Variants in RNF167 observed in about 807,000 individuals in gnomAD.
The protein encoded by RNF167 is E3 ubiquitin-protein ligase RNF167.
Under a neutral mutation model 34.8 loss-of-function variants are expected in RNF167, and 19 were observed. The observed-to-expected ratio is 0.55, with a 90% confidence interval of 0.38 to 0.80. The LOEUF is 0.80. Among genes scored for constraint, RNF167 ranks in the 30% least tolerant of loss-of-function variants. The pLI, the probability that RNF167 is intolerant of heterozygous loss-of-function variation, is 0.00. For synonymous variants in RNF167, 200 were observed against 170.4 expected (o/e 1.17, Z -1.35); for missense variants, 464 against 447.0 (o/e 1.04, Z -0.34).
intron 7 of RNF167, 38 bp from the exon 8 acceptor site, chr17:4,943,388 G>A (rs777143621): frequency 6.9e-6 from 11 of 1,594,730 alleles, no homozygotes; most frequent in Non-Finnish European, 9.4e-6. Context: ...GTCTAGTTTT[G>A]TTCCTAAGCC....
rs1971289140 is a variant in RNF167, at chr17:4,945,123, C to T, written c.*107C>T. ...TTCCATCCCAAGCTTCTCCCTTACC[C>T]ACACCTATCCTTTTGAGGGGCTTTG... is the stretch of plus-strand genomic sequence containing the variant. On this transcript the variant is annotated 3_prime_UTR_variant, in exon 10 of 10. Coordinates refer to ENST00000262482, the MANE Select transcript of RNF167 (RefSeq NM_015528.3). 4.7e-6 allele frequency: 5 copies of T among 1,059,732 alleles called. No homozygotes were observed. The highest frequency in any genetic ancestry group is 2.7e-5 in the Admixed American group (1 of 36,982). The allele number at this position is 1,059,732 out of a possible 1,614,324, so 65.6% of individuals were successfully genotyped here.
chr17:4,944,447 T>C lies in RNF167; in HGVS notation c.671-111T>C, dbSNP rs569113889. On this transcript the variant is annotated intron_variant, in intron 8 of 9. Transcript: ENST00000262482. ...GACCTTATCCTGCCTACCTGTCTTA[T>C]CTCTTCCACTGGCTTTGTAGGTGAG... 90 of 1,491,012 alleles carry C rather than the reference T, an allele frequency of 6.0e-5. No homozygotes were observed. The East Asian group carries it at 2.0e-3, about 34-fold the overall frequency. 92.4% of individuals were successfully genotyped at this position (1,491,012 alleles called of 1,614,324 possible). A position where few individuals can be genotyped will look rare whatever the true frequency, so the allele number is the denominator to read the frequency against.
At position 4,941,175 on chromosome 17, in the gene RNF167, C is replaced by G; in HGVS notation, c.165+18C>G. ...GCCTCCAGGTGATTTTCTTTCTTTT[C>G]TTTTCCTCCTTCCCTCCCTTCCTTC... On this transcript the variant is annotated intron_variant, in intron 3 of 9. Coordinates refer to ENST00000262482, the MANE Select transcript of RNF167 (RefSeq NM_015528.3). 1 of 1,598,476 alleles carries G rather than the reference C, an allele frequency of 6.3e-7. No individual in the cohort carries two copies. The highest frequency in any genetic ancestry group is 8.6e-7 in the Non-Finnish European group (1 of 1,165,984).
At chr17:4,941,043 G>A (rs1970743662) in intron 2 of RNF167, 34 bp from the exon 3 acceptor site, 2 of 1,614,098 alleles carry the variant, frequency 1.2e-6, no homozygotes, top group Admixed American at 1.7e-5. Flanking sequence ...AAGGGTTGCA[G>A]GCTGAAGGGG....
chr17:4,941,054 A>G, intron 2 of RNF167, 23 bp from the exon 3 acceptor site: 7 of 1,614,040 alleles, frequency 4.3e-6, no homozygotes, highest in Non-Finnish European at 5.9e-6. Flanking sequence ...GCTGAAGGGG[A>G]ACATCGCCTT....
intron 3 of RNF167, 105 bp from the exon 4 acceptor site, chr17:4,942,236 G>A (rs1271853591): frequency 7.6e-7 from 1 of 1,307,750 alleles, no homozygotes; most frequent in Non-Finnish European, 1.1e-6. Flanking sequence ...AGGAGGAAGT[G>A]AGGATAGAGG....
rs560523322 is a variant in RNF167 at position 4,940,609 on chromosome 17, C to G, written c.-301C>G. The G allele has an allele frequency of 4.9e-5, 16 of 325,094 alleles. No individual in the cohort carries two copies. The South Asian group carries it at 1.9e-3, about 39-fold the overall frequency. 20.1% of individuals were successfully genotyped at this position (325,094 alleles called of 1,614,324 possible). A position where few individuals can be genotyped will look rare whatever the true frequency, so the allele number is the denominator to read the frequency against. On this transcript the variant is annotated 5_prime_UTR_variant, in exon 2 of 10. Transcript: ENST00000262482. ...GCAGGAAGTCCCACCTCCTTGAGCTCCGCCACCCTTCCCGAAGTTTTTCTG... is the reference window on the plus strand; with the variant it reads ...GCAGGAAGTCCCACCTCCTTGAGCTGCGCCACCCTTCCCGAAGTTTTTCTG...
At position 4,944,767 on chromosome 17, in the gene RNF167, C is replaced by T; in HGVS notation, c.804C>T (p.Cys268=). The change falls in exon 10 of 10, where the codon TGC becomes TGT. Residue 268 remains cysteine, a synonymous_variant. Coordinates refer to ENST00000262482, the MANE Select transcript of RNF167 (RefSeq NM_015528.3). ...DPWLTQTRKT[C]PICKQPVHRG... is the part of the protein sequence containing the mutation. The stretch of plus-strand genomic sequence containing the variant: ...GGCTCACTCAGACCCGGAAGACCTG[C>T]CCCATTTGCAAGCAGCCTGTTCATC... The T allele has an allele frequency of 1.2e-6, 2 of 1,612,876 alleles. No homozygotes were observed. Among genetic ancestry groups the T allele is most frequent in the African/African-American group, 1.3e-5 (1 of 74,976 alleles).
chr17:4,942,789 G>A, intron 5 of RNF167, 62 bp from the exon 6 acceptor site: 4 of 1,591,170 alleles, frequency 2.5e-6, no homozygotes, highest in Non-Finnish European at 3.5e-6. Context: ...AAGATGCCAG[G>A]GTTCCCAGAG....
In RNF167 at chr17:4,944,314, C is replaced by G. The variant is rs1971154911; in HGVS notation, c.671-244C>G. 4 of 882,866 alleles carry G rather than the reference C, an allele frequency of 4.5e-6. No individual in the cohort carries two copies. In the African/African-American group the frequency reaches 5.3e-5, roughly 12 times the overall value. 54.7% of individuals were successfully genotyped at this position (882,866 alleles called of 1,614,324 possible). ...GAAGCCCTGCCCATTTCCGTTCCTTCCACTCCCTATCTCCACCCTCACACC... is the reference window on the plus strand; with the variant it reads ...GAAGCCCTGCCCATTTCCGTTCCTTGCACTCCCTATCTCCACCCTCACACC... On this transcript the variant is annotated intron_variant, in intron 8 of 9. Coordinates refer to ENST00000262482, the MANE Select transcript of RNF167 (RefSeq NM_015528.3).
rs757940889 is a variant in RNF167 at position 4,942,869 on chromosome 17, T to C, written c.398T>C (p.Ile133Thr). 1.9e-6 allele frequency: 3 copies of C among 1,614,138 alleles called. No individual in the cohort carries two copies. The highest frequency in any genetic ancestry group is 1.7e-6 in the Non-Finnish European group (2 of 1,179,952). ...CCTGCAGAGGAAATCCAGCAGCAGA[T>C]CTGGATCCCGTCTGTATTTATTGGG... ...VWNSEEIQQQIWIPSVFIGER... is the reference protein window; with the variant it reads ...VWNSEEIQQQTWIPSVFIGER... The change falls in exon 6 of 10, where the codon ATC (isoleucine) becomes ACC (threonine). Residue 133 changes from isoleucine to threonine, a missense_variant. Coordinates refer to ENST00000262482, the MANE Select transcript of RNF167 (RefSeq NM_015528.3).
chr17:4,941,944 G>T (rs751495223), intron 3 of RNF167, among the ~76,000 whole-genome samples: 7 of 152,286 alleles, frequency 4.6e-5, no homozygotes, highest in African/African-American at 1.7e-4. Flanking sequence ...AAAGAAAACT[G>T]AAGGGAGGGG....
chr17:4,941,621 G>T (rs114110155), intron 3 of RNF167, among the ~76,000 whole-genome samples: 1 of 152,344 alleles, frequency 6.6e-6, no homozygotes, highest in African/African-American at 2.4e-5. Flanking sequence ...CAAGAACTCA[G>T]TTGGGCCTTA....
At chr17:4,942,787 AG>A in intron 5 of RNF167, 63 bp from the exon 6 acceptor site, 1 of 1,591,266 alleles carries the variant, frequency 6.3e-7, no homozygotes, top group South Asian at 1.1e-5. Context: ...GCAAGATGCC[AG>A]GGTTCCCAGA....
intron 6 of RNF167, 60 bp from the exon 7 acceptor site, chr17:4,943,119 C>CCCTCTT: frequency 1.4e-6 from 2 of 1,477,158 alleles, no homozygotes; most frequent in Non-Finnish European, 1.9e-6. Context: ...GTTACTTTGT[C>CCCTCTT]CCTCTTTTTT....
At position 4,941,110 on chromosome 17, in the gene RNF167, G is replaced by T; in HGVS notation, c.118G>T (p.Asp40Tyr). 6.2e-7 allele frequency: 1 copy of T among 1,614,236 alleles called. No homozygotes were observed. Among genetic ancestry groups the T allele is most frequent in the South Asian group, 1.1e-5 (1 of 91,078 alleles). Residue 40 changes from aspartate to tyrosine, a missense_variant, in exon 3 of 10, where the codon GAC (aspartate) becomes TAC (tyrosine). By Grantham distance (160) the Asp-to-Tyr change is radical (BLOSUM62 -3). Coordinates refer to ENST00000262482, the MANE Select transcript of RNF167 (RefSeq NM_015528.3). ...CCACAATGCCAGCATGGACTTTGCAGACCTTCCAGCTCTGTTTGGGGCTAC... is the reference window on the plus strand; with the variant it reads ...CCACAATGCCAGCATGGACTTTGCATACCTTCCAGCTCTGTTTGGGGCTAC... ...SDHNASMDFA[D>Y]LPALFGATLS...
rs2151132227 is a variant in RNF167, at chr17:4,945,136, T to C, written c.*120T>C. 13 of 918,962 alleles carry C rather than the reference T, an allele frequency of 1.4e-5. No individual in the cohort carries two copies. Among genetic ancestry groups the C allele is most frequent in the Non-Finnish European group, 2.1e-5 (13 of 632,532 alleles). The allele number at this position is 918,962 out of a possible 1,614,324, so 56.9% of individuals were successfully genotyped here. A position where few individuals can be genotyped will look rare whatever the true frequency, so the allele number is the denominator to read the frequency against. On this transcript the variant is annotated 3_prime_UTR_variant, in exon 10 of 10. Transcript: ENST00000262482. Reference sequence around the variant, plus strand: ...TTCTCCCTTACCCACACCTATCCTTTTGAGGGGCTTTGGGGTGGAGCTGGG... The same window carrying C: ...TTCTCCCTTACCCACACCTATCCTTCTGAGGGGCTTTGGGGTGGAGCTGGG...
At position 4,943,233 on chromosome 17, in the gene RNF167, C is replaced by T. The variant is rs767096096; in HGVS notation, c.525C>T (p.Ile175=). 6.2e-7 allele frequency: 1 copy of T among 1,614,144 alleles called. No individual in the cohort carries two copies. The highest frequency in any genetic ancestry group is 1.7e-5 in the Admixed American group (1 of 60,022). ...CCTTCCCCTTGGGCTATTACCTCAT[C>T]CCTTTCACAGGGATTGTGGGACTGC... ...DNTFPLGYYL[I]PFTGIVGLLV... Residue 175 remains isoleucine, a synonymous_variant, in exon 7 of 10, where the codon ATC becomes ATT. Coordinates refer to ENST00000262482, the MANE Select transcript of RNF167 (RefSeq NM_015528.3).
Position 4,940,652 on chromosome 17 carries a change from C to G in RNF167, c.-258C>G, listed in dbSNP as rs549278241. 1 of 402,494 alleles carries G rather than the reference C, an allele frequency of 2.5e-6. No homozygotes were observed. The highest frequency in any genetic ancestry group is 7.2e-5 in the South Asian group (1 of 13,848). The allele number at this position is 402,494 out of a possible 1,614,324, so 24.9% of individuals were successfully genotyped here. A position where few individuals can be genotyped will look rare whatever the true frequency, so the allele number is the denominator to read the frequency against. Reference sequence around the variant, plus strand: ...TTTTTCTGTCACCTGTGTTAGGCTCCGTCCCCTTTCCGCGTTTTATCCCCG... The same window carrying G: ...TTTTTCTGTCACCTGTGTTAGGCTCGGTCCCCTTTCCGCGTTTTATCCCCG... On this transcript the variant is annotated 5_prime_UTR_variant, in exon 2 of 10. Coordinates refer to ENST00000262482, the MANE Select transcript of RNF167 (RefSeq NM_015528.3).
Sources: gnomAD v4.1 joint callset for allele counts (sites outside exome capture counted in the v4.1 genomes callset) on GRCh38, gnomAD v4.1.1 for gene constraint, MANE v1.5 for transcripts, NCBI Gene and HGNC (gene_info 2026-07-23, HGNC 2026-07-21) for gene names.